The following ATP8B4 variants were observed in gnomAD, a reference collection of about 807,000 sequenced individuals.
ATP8B4 encodes the protein probable phospholipid-transporting ATPase IM.
In ATP8B4, 133 loss-of-function variants were observed where a neutral mutation model predicts 145.6. The ratio of observed to expected loss-of-function variants is 0.91; its 90% confidence interval spans 0.79 to 1.05. The LOEUF (loss-of-function observed/expected upper bound fraction) is 1.05, where lower values mean the gene tolerates loss of function less well. Ranked by LOEUF, ATP8B4 falls within the 50% of genes least tolerant of loss-of-function variation. The pLI, the probability that ATP8B4 is intolerant of heterozygous loss-of-function variation, is 0.00. For synonymous variants in ATP8B4, 507 were observed against 492.9 expected (o/e 1.03, Z -0.38); for missense variants, 1,458 against 1,425.2 (o/e 1.02, Z -0.37).
At position 49,899,029 on chromosome 15, in the gene ATP8B4, T is replaced by C. The variant is rs200443937; in HGVS notation, c.2290-778A>G. ...ACAAATCCACTTACACTTTGAGTCA[T>C]CAGTATCTTTGAGTGAATCTTTAGC... On this transcript the variant is annotated intron_variant, in intron 21 of 27. Coordinates refer to ENST00000284509, the MANE Select transcript of ATP8B4 (RefSeq NM_024837.4). Among the ~76,000 whole-genome samples, 19 of 152,328 alleles carry C rather than the reference T, an allele frequency of 1.2e-4. No homozygotes were observed. The East Asian group carries it at 2.9e-3, about 23-fold the overall frequency.
chr15:50,131,176 C>T (rs2057343496), intron 1 of ATP8B4, among the ~76,000 whole-genome samples: 2 of 152,112 alleles, frequency 1.3e-5, no homozygotes, highest in South Asian at 2.1e-4. Context: ...CTCCTTGACA[C>T]ATGGGGATTA....
Position 50,109,815 on chromosome 15 carries a change from T to C in ATP8B4, c.-42-2807A>G, listed in dbSNP as rs1226978295. Among the ~76,000 whole-genome samples the C allele has an allele frequency of 2.6e-5, 4 of 152,120 alleles. 1 individual carries two copies. In the Middle Eastern group the frequency reaches 9.5e-3, roughly 361 times the overall value. ...TACTAACAGTTAACAAACATGAACTTAATACAATTGTGTAATATAAGGTAA... is the reference window on the plus strand; with the variant it reads ...TACTAACAGTTAACAAACATGAACTCAATACAATTGTGTAATATAAGGTAA... On this transcript the variant is annotated intron_variant, in intron 1 of 27. Transcript: ENST00000284509.
At chr15:49,861,533 C>T (rs750979297) in intron 27 of ATP8B4, among the ~76,000 whole-genome samples, 1 of 151,794 alleles carries the variant, frequency 6.6e-6, no homozygotes, top group Non-Finnish European at 1.5e-5. Flanking sequence ...TGGCCTGGTC[C>T]CACTCACCAC....
At chr15:49,954,353 G>A (rs2043365771) in intron 14 of ATP8B4, among the ~76,000 whole-genome samples, 1 of 152,056 alleles carries the variant, frequency 6.6e-6, no homozygotes, top group Non-Finnish European at 1.5e-5. Context: ...TTACACTAAA[G>A]AGCTTCTGCA....
chr15:50,041,494 T>A (rs1284395172), intron 5 of ATP8B4, among the ~76,000 whole-genome samples: 1 of 152,230 alleles, frequency 6.6e-6, no homozygotes, highest in African/African-American at 2.4e-5. Flanking sequence ...AAGACTACCT[T>A]GTACACTGAC....
chr15:50,026,363 T>C (rs966927353), intron 6 of ATP8B4, among the ~76,000 whole-genome samples: 2 of 152,240 alleles, frequency 1.3e-5, no homozygotes, highest in African/African-American at 2.4e-5. Flanking sequence ...TCATTAAAAA[T>C]AGAGTCCTCA....
At chr15:50,060,917 G>A (rs2052966422) in intron 3 of ATP8B4, among the ~76,000 whole-genome samples, 1 of 152,146 alleles carries the variant, frequency 6.6e-6, no homozygotes, top group African/African-American at 2.4e-5. Flanking sequence ...ACAAATTGCT[G>A]TGATATAGGA....
chr15:49,933,892 A>G, intron 15 of ATP8B4, 125 bp downstream of exon 15: 1 of 1,079,186 alleles, frequency 9.3e-7, no homozygotes, highest in Non-Finnish European at 1.2e-6. Context: ...TGTGTTAAAA[A>G]ACAAAAACAA....
At chr15:49,981,369 T>C in intron 10 of ATP8B4, 75 bp from the exon 11 acceptor site, 1 of 1,118,788 alleles carries the variant, frequency 8.9e-7, no homozygotes, top group Non-Finnish European at 1.3e-6. Context: ...ATATCAAATG[T>C]CTCTGAAAGA....
intron 23 of ATP8B4, among the ~76,000 whole-genome samples, chr15:49,888,073 A>C (rs1304741904): frequency 6.6e-6 from 1 of 152,234 alleles, no homozygotes; most frequent in Non-Finnish European, 1.5e-5. Context: ...TCATTTAAAG[A>C]AAACACATTG....
intron 2 of ATP8B4, among the ~76,000 whole-genome samples, chr15:50,082,983 T>G (rs2054651441): frequency 6.6e-6 from 1 of 152,120 alleles, no homozygotes; most frequent in Non-Finnish European, 1.5e-5. Context: ...TATAAGGAGA[T>G]GGTGGTGGTA....
rs79223880 is a variant in ATP8B4, at chr15:50,012,633, T to C, written c.363-1716A>G. On this transcript the variant is annotated intron_variant, in intron 6 of 27. Coordinates refer to ENST00000284509, the MANE Select transcript of ATP8B4 (RefSeq NM_024837.4). Reference sequence around the variant, plus strand: ...CACAAAGTAAGACCATGAGAGGAAATTGTCTTATGATTTGACAAAGTTATC... The same window carrying C: ...CACAAAGTAAGACCATGAGAGGAAACTGTCTTATGATTTGACAAAGTTATC... Among the ~76,000 whole-genome samples, 857 of 152,200 alleles carry C rather than the reference T, an allele frequency of 5.6e-3. 11 individuals are homozygous for C. The highest frequency in any genetic ancestry group is 3.8e-3 in the Non-Finnish European group (256 of 68,004).
At chr15:49,869,152 T>TCCTGAGG (rs1566899636) in intron 25 of ATP8B4, among the ~76,000 whole-genome samples, 1 of 152,074 alleles carries the variant, frequency 6.6e-6, no homozygotes, top group Non-Finnish European at 1.5e-5. Context: ...CCTCAGGTAA[T>TCCTGAGG]CCGCCCGCCT....
Position 50,105,395 on chromosome 15 carries a change from G to A in ATP8B4, c.28+1544C>T, listed in dbSNP as rs1217257874. Among the ~76,000 whole-genome samples, 4 of 152,162 alleles carry A rather than the reference G, an allele frequency of 2.6e-5. No individual in the cohort carries two copies. The East Asian group carries it at 5.8e-4, about 22-fold the overall frequency. ...TATAATTAAGGTGAAGGGTTTCTGC[G>A]TGTTCATCATATCATTCTTTCAATT... is the stretch of plus-strand genomic sequence containing the variant. On this transcript the variant is annotated intron_variant, in intron 2 of 27. Transcript: ENST00000284509.
chr15:50,007,297 C>T (rs374398269), intron 7 of ATP8B4, among the ~76,000 whole-genome samples: 2 of 152,144 alleles, frequency 1.3e-5, no homozygotes, highest in African/African-American at 4.8e-5. Flanking sequence ...ACTTGGCTTC[C>T]AGCATCCAAG....
chr15:49,986,680 C>G (rs2046628246), intron 10 of ATP8B4, among the ~76,000 whole-genome samples: 1 of 152,170 alleles, frequency 6.6e-6, no homozygotes, highest in Admixed American at 6.5e-5. Context: ...AATTTGGTGT[C>G]ACAATAAACA....
chr15:49,963,859 A>G (rs2044303148), intron 13 of ATP8B4, among the ~76,000 whole-genome samples: 1 of 152,118 alleles, frequency 6.6e-6, no homozygotes, highest in Non-Finnish European at 1.5e-5. Context: ...ACGTTTACCT[A>G]TGTAACAAAC....
chr15:50,149,487 C>G (rs932253941), intron 1 of ATP8B4, among the ~76,000 whole-genome samples: 19 of 152,216 alleles, frequency 1.2e-4, no homozygotes, highest in African/African-American at 4.3e-4. Flanking sequence ...AAGCAGATCT[C>G]TTTGATCATC....
intron 8 of ATP8B4, 89 bp from the exon 9 acceptor site, chr15:49,996,848 A>G: frequency 1.1e-6 from 1 of 939,452 alleles, no homozygotes; most frequent in Non-Finnish European, 1.6e-6. Flanking sequence ...AGCACATGCA[A>G]AGCCAAACCC....
Sources: allele counts gnomAD v4.1 joint callset (sites outside exome capture counted in the v4.1 genomes callset), GRCh38; gene constraint gnomAD v4.1.1; transcripts MANE v1.5; gene names NCBI Gene and HGNC (gene_info 2026-07-23, HGNC 2026-07-21).